The following MYLK variants were observed in gnomAD, a reference collection of about 807,000 sequenced individuals.
MYLK encodes the protein myosin light chain kinase, smooth muscle.
MYLK carries 106 observed loss-of-function variants against 203.4 expected under a neutral mutation model. That is an observed-to-expected ratio of 0.52 (90% CI 0.45 to 0.61). The LOEUF (loss-of-function observed/expected upper bound fraction) is 0.61, where lower values mean the gene tolerates loss of function less well. Among genes scored for constraint, MYLK ranks in the 20% least tolerant of loss-of-function variants. The pLI, the probability that MYLK is intolerant of heterozygous loss-of-function variation, is 0.00. For missense variants in MYLK, 2,072 were observed against 2,442.3 expected (o/e 0.85, Z 3.20); for synonymous variants, 867 against 959.5 (o/e 0.90, Z 1.78).
intron 20 of MYLK, among the ~76,000 whole-genome samples, chr3:123,675,195 G>A (rs1346183812): frequency 1.3e-5 from 2 of 152,248 alleles, no homozygotes. Context: ...GCCAGGTGCT[G>A]AGCCTTCCAC....
intron 12 of MYLK, among the ~76,000 whole-genome samples, chr3:123,725,569 T>A (rs978238132): frequency 6.6e-6 from 1 of 152,220 alleles, no homozygotes; most frequent in Non-Finnish European, 1.5e-5. Flanking sequence ...ATTGACTCAA[T>A]AAATATTAAT....
chr3:123,826,765 C>T (rs2066135958), intron 3 of MYLK, among the ~76,000 whole-genome samples: 1 of 152,198 alleles, frequency 6.6e-6, no homozygotes, highest in Non-Finnish European at 1.5e-5. Context: ...ACTGTCACCA[C>T]AAACTCTTTC....
Position 123,700,120 on chromosome 3 carries a change from C to G in MYLK, c.3348G>C (p.Leu1116=). 1 of 1,613,974 alleles carries G rather than the reference C, an allele frequency of 6.2e-7. No individual in the cohort carries two copies. Among genetic ancestry groups the G allele is most frequent in the Non-Finnish European group, 8.5e-7 (1 of 1,179,954 alleles). The part of the protein sequence containing the change: ...DVHVAEGKKL[L]LQCQVSSDPP... ...GGTCAGAAGACACCTGGCACTGGAG[C>G]AGCAGCTTCTTGCCCTCTGCCACAT... is the stretch of plus-strand genomic sequence containing the variant. The change falls in exon 18 of 34, where the codon CTG becomes CTC. Residue 1116 remains leucine (L), a synonymous_variant. Transcript: ENST00000360304.
At chr3:123,620,426 C>T in intron 31 of MYLK, 90 bp from the exon 32 acceptor site, 1 of 1,601,886 alleles carries the variant, frequency 6.2e-7, no homozygotes, top group African/African-American at 1.3e-5. Context: ...AGCCCAGCCC[C>T]AGAGAAGCAG....
At chr3:123,796,176 T>TTATAAATAATAAA in intron 3 of MYLK, among the ~76,000 whole-genome samples, 1 of 152,298 alleles carries the variant, frequency 6.6e-6, no homozygotes, top group Middle Eastern at 3.4e-3. Flanking sequence ...TCCAAGCCCT[T>TTATAAATAATAAA]TATAAATAAT....
chr3:123,694,376 A>G (rs1388967572), intron 18 of MYLK, among the ~76,000 whole-genome samples: 1 of 152,178 alleles, frequency 6.6e-6, no homozygotes, highest in East Asian at 1.9e-4. Context: ...GAAGTCTGTC[A>G]TAAGAGTAAG....
At chr3:123,699,723 A>AT (rs2061099603) in intron 18 of MYLK, among the ~76,000 whole-genome samples, 1 of 152,224 alleles carries the variant, frequency 6.6e-6, no homozygotes, top group Non-Finnish European at 1.5e-5. Flanking sequence ...TGGCGGTGCC[A>AT]TGAGAGGGCT....
At chr3:123,711,421 G>T (rs1297646884) in intron 13 of MYLK, among the ~76,000 whole-genome samples, 1 of 152,140 alleles carries the variant, frequency 6.6e-6, no homozygotes, top group African/African-American at 2.4e-5. Flanking sequence ...GGAGTGTGTC[G>T]GCAAGTCAAG....
intron 2 of MYLK, among the ~76,000 whole-genome samples, chr3:123,838,443 T>G (rs983574017): frequency 6.6e-6 from 1 of 152,130 alleles, no homozygotes; most frequent in East Asian, 1.9e-4. Flanking sequence ...CAGACAGAAT[T>G]TGAATCCAAA....
chr3:123,649,126 C>T, intron 25 of MYLK, 36 bp downstream of exon 25: 1 of 1,614,066 alleles, frequency 6.2e-7, no homozygotes. Flanking sequence ...CCCCTCCACC[C>T]CAAGAGCCTG....
rs190201678 is a variant in MYLK at position 123,870,787 on chromosome 3, A to G, written c.-127+5772T>C. Among the ~76,000 whole-genome samples the G allele has an allele frequency of 4.6e-3, 704 of 152,354 alleles. 1 individual carries two copies. The highest frequency in any genetic ancestry group is 7.0e-3 in the Non-Finnish European group (478 of 68,028). ...TTCCGTGCTCCAATGGCAGAGATGA[A>G]TACCTGTGACAGAGATGGTATAGCC... On this transcript the variant is annotated intron_variant, in intron 2 of 33. Coordinates refer to ENST00000360304, the MANE Select transcript of MYLK (RefSeq NM_053025.4).
intron 2 of MYLK, among the ~76,000 whole-genome samples, chr3:123,840,548 T>C (rs188250531): frequency 6.6e-6 from 1 of 151,364 alleles, no homozygotes; most frequent in Non-Finnish European, 1.5e-5. Context: ...GAACCTCAAT[T>C]AAAGAAATTT....
intron 18 of MYLK, among the ~76,000 whole-genome samples, chr3:123,693,313 G>A (rs2060761365): frequency 6.6e-6 from 1 of 152,214 alleles, no homozygotes; most frequent in Non-Finnish European, 1.5e-5. Flanking sequence ...TGCTGTGACT[G>A]CATTCTGGAA....
chr3:123,840,604 T>TA (rs563876843), intron 2 of MYLK, among the ~76,000 whole-genome samples: 35 of 150,840 alleles, frequency 2.3e-4, no homozygotes, highest in African/African-American at 8.0e-4. Flanking sequence ...AAAGACATTA[T>TA]AAAAAAAACC....
chr3:123,823,003 C>T (rs71332716), intron 3 of MYLK, among the ~76,000 whole-genome samples: 152 of 152,228 alleles, frequency 1.0e-3, no homozygotes, highest in Middle Eastern at 6.8e-3. Flanking sequence ...ATGAGGTCCA[C>T]GAACACATAT....
At chr3:123,637,571 C>A (rs2058685672) in intron 29 of MYLK, among the ~76,000 whole-genome samples, 1 of 152,186 alleles carries the variant, frequency 6.6e-6, no homozygotes, top group South Asian at 2.1e-4. Context: ...AAGGCTCGAT[C>A]ATCAATAGTG....
chr3:123,793,656 C>T lies in MYLK; in HGVS notation c.165+21G>A, dbSNP rs534499012. The T allele has an allele frequency of 4.2e-4, 672 of 1,613,890 alleles. 14 individuals carry two copies. The South Asian group carries it at 7.0e-3, about 17-fold the overall frequency. ...CTGCCCATCCTTCCCCACAGCCTCC[C>T]CATCCAGCCACACTTCTTACCCGCC... On this transcript the variant is annotated intron_variant, in intron 4 of 33. Transcript: ENST00000360304.
At chr3:123,773,914 T>G (rs1405296070) in intron 4 of MYLK, among the ~76,000 whole-genome samples, 2 of 152,228 alleles carry the variant, frequency 1.3e-5, no homozygotes, top group Non-Finnish European at 2.9e-5. Context: ...ACTGGTGGCC[T>G]GGCAAACTCC....
At chr3:123,671,901 T>C (rs1440928753) in intron 20 of MYLK, among the ~76,000 whole-genome samples, 1 of 151,884 alleles carries the variant, frequency 6.6e-6, no homozygotes, top group Non-Finnish European at 1.5e-5. Context: ...CCAGGACTGT[T>C]GGGAAGAGAG....
Sources: allele counts gnomAD v4.1 joint callset (sites outside exome capture counted in the v4.1 genomes callset), GRCh38; gene constraint gnomAD v4.1.1; transcripts MANE v1.5; gene names NCBI Gene and HGNC (gene_info 2026-07-23, HGNC 2026-07-21).